The following COL21A1 variants were observed in gnomAD, a reference collection of about 807,000 sequenced individuals.
COL21A1 encodes the protein collagen alpha-1(XXI) chain.
Under a neutral mutation model 137.9 loss-of-function variants are expected in COL21A1, and 149 were observed. The ratio of observed to expected loss-of-function variants is 1.08; its 90% confidence interval spans 0.95 to 1.24. COL21A1 has a LOEUF of 1.24. COL21A1 is among the 50% of genes most tolerant of loss of function. The probability of loss-of-function intolerance (pLI) is 0.00; values close to 1 mark genes in which losing one functional copy is unlikely to be tolerated. For synonymous variants in COL21A1, 456 were observed against 391.5 expected (o/e 1.16, Z -1.95); for missense variants, 1,167 against 1,158.4 (o/e 1.01, Z -0.11).
At chr6:56,196,463 A>T (rs1470144057) in intron 1 of COL21A1, among the ~76,000 whole-genome samples, 1 of 152,108 alleles carries the variant, frequency 6.6e-6, no homozygotes, top group Non-Finnish European at 1.5e-5. Context: ...TTATTACAGA[A>T]GACCATAAAG....
chr6:56,170,605 C>T (rs867879475), intron 5 of COL21A1, 44 bp downstream of exon 5: 5 of 1,321,372 alleles, frequency 3.8e-6, no homozygotes, highest in Non-Finnish European at 5.3e-6. Flanking sequence ...AATAGTGCTT[C>T]CCCATGAATA....
At chr6:56,244,660 A>G (rs1782541823) in intron 1 of COL21A1, among the ~76,000 whole-genome samples, 1 of 152,162 alleles carries the variant, frequency 6.6e-6, no homozygotes, top group African/African-American at 2.4e-5. Context: ...AACTTGCTTT[A>G]TGTTTAGTCT....
At position 56,060,213 on chromosome 6, in the gene COL21A1, G is replaced by A; in HGVS notation, c.2413C>T (p.Leu805=). 6.3e-7 allele frequency: 1 copy of A among 1,593,728 alleles called. No individual in the cohort carries two copies. Reference sequence around the variant, plus strand: ...CTTCCACTCTGAAGTAAGACTGGTAGCTGGGCTTTCAAAAACAAAGAAACC... The same window carrying A: ...CTTCCACTCTGAAGTAAGACTGGTAACTGGGCTTTCAAAAACAAAGAAACC... The part of the protein sequence containing the change: ...QVCTDVIRAQ[L]PVLLQSGRIR... Residue 805 remains leucine (L), a synonymous_variant, in exon 28 of 30, where the codon CTA becomes TTA. Coordinates refer to ENST00000244728, the MANE Select transcript of COL21A1 (RefSeq NM_030820.4).
chr6:56,067,493 C>A (rs887017798), intron 22 of COL21A1, among the ~76,000 whole-genome samples, 163 bp from the exon 23 acceptor site: 2 of 151,708 alleles, frequency 1.3e-5, no homozygotes, highest in Admixed American at 6.6e-5. Context: ...GGGAAGGGAG[C>A]AGAACCACAT....
intron 17 of COL21A1, among the ~76,000 whole-genome samples, chr6:56,097,926 TA>T (rs1769609731): frequency 1.0e-5 from 1 of 96,066 alleles, no homozygotes; most frequent in South Asian, 2.8e-4. Context: ...TATAAATATA[TA>T]AATATATAAA....
Position 56,087,643 on chromosome 6 carries a change from G to A in COL21A1, c.1813-10070C>T, listed in dbSNP as rs1052304755. 3.3e-5 allele frequency among the ~76,000 whole-genome samples: 5 copies of A among 152,062 alleles called. No homozygotes were observed. In the South Asian group the frequency reaches 1.0e-3, roughly 32 times the overall value. On this transcript the variant is annotated intron_variant, in intron 17 of 29. Transcript: ENST00000244728. ...TGTTTATAGTTTCCCTTCAAGGCTT[G>A]GGAGTTAACAGCTCTAAAGATAAGG...
intron 1 of COL21A1, among the ~76,000 whole-genome samples, chr6:56,312,489 T>C (rs923245320): frequency 1.2e-4 from 19 of 152,250 alleles, no homozygotes; most frequent in Admixed American, 5.9e-4. Context: ...GTAGGAACAT[T>C]CAGTAAATGA....
At chr6:56,292,520 C>T (rs1764072714) in intron 1 of COL21A1, among the ~76,000 whole-genome samples, 1 of 151,876 alleles carries the variant, frequency 6.6e-6, no homozygotes, top group African/African-American at 2.4e-5. Context: ...GGTGCCTCAG[C>T]CTCTCACAGA....
intron 1 of COL21A1, among the ~76,000 whole-genome samples, chr6:56,335,671 C>T (rs1313615989): frequency 6.6e-6 from 1 of 152,216 alleles, no homozygotes; most frequent in African/African-American, 2.4e-5. Context: ...CTCTGCCTGC[C>T]TTTGTGTCCT....
At chr6:56,308,454 T>C (rs1764522584) in intron 1 of COL21A1, among the ~76,000 whole-genome samples, 1 of 152,222 alleles carries the variant, frequency 6.6e-6, no homozygotes, top group Non-Finnish European at 1.5e-5. Context: ...GAGTACATTA[T>C]ACTAGGTGAC....
chr6:56,074,761 A>G (rs543314829), intron 19 of COL21A1, among the ~76,000 whole-genome samples: 10 of 151,572 alleles, frequency 6.6e-5, no homozygotes, highest in African/African-American at 2.4e-4. Context: ...ATCTTTAATC[A>G]TAACATTCAA....
At chr6:56,227,383 C>T (rs552162137) in intron 1 of COL21A1, among the ~76,000 whole-genome samples, 57 of 152,048 alleles carry the variant, frequency 3.7e-4, no homozygotes, top group African/African-American at 1.1e-3. Context: ...AAAACAAATC[C>T]CATACGCTTG....
At chr6:56,185,714 C>T (rs1168681357) in intron 1 of COL21A1, among the ~76,000 whole-genome samples, 8 of 151,962 alleles carry the variant, frequency 5.3e-5, no homozygotes, top group Non-Finnish European at 5.9e-5. Flanking sequence ...GGATTACAGG[C>T]GTGAGCCACC....
intron 1 of COL21A1, among the ~76,000 whole-genome samples, chr6:56,304,762 TG>T (rs1236191713): frequency 1.2e-4 from 18 of 152,240 alleles, no homozygotes; most frequent in African/African-American, 4.1e-4. Flanking sequence ...AGTTGTTTCT[TG>T]CCTTCTGCTA....
intron 1 of COL21A1, among the ~76,000 whole-genome samples, chr6:56,254,603 T>C (rs1782925938): frequency 6.6e-6 from 1 of 152,228 alleles, no homozygotes; most frequent in South Asian, 2.1e-4. Flanking sequence ...TAATTGTTTA[T>C]AAAGCTCCCT....
chr6:56,300,128 A>C (rs1435734866), intron 1 of COL21A1, among the ~76,000 whole-genome samples: 2 of 152,280 alleles, frequency 1.3e-5, no homozygotes, highest in African/African-American at 4.8e-5. Context: ...GGAGTAGCCA[A>C]AATGTGCCGG....
rs369606656 is a variant in COL21A1, at chr6:56,179,221, G to A, written c.640+357C>T. ...GTAAAGTACAGAAAAACTCATTAACGGGGTGATATGATTATGTGTGATTTA... is the reference window on the plus strand; with the variant it reads ...GTAAAGTACAGAAAAACTCATTAACAGGGTGATATGATTATGTGTGATTTA... On this transcript the variant is annotated intron_variant, in intron 3 of 29. Transcript: ENST00000244728. 1.1e-4 allele frequency among the ~76,000 whole-genome samples: 16 copies of A among 152,000 alleles called. No individual in the cohort carries two copies. The East Asian group carries it at 1.9e-3, about 18-fold the overall frequency.
intron 1 of COL21A1, among the ~76,000 whole-genome samples, chr6:56,209,698 C>G (rs534387364): frequency 1.3e-5 from 2 of 152,228 alleles, no homozygotes; most frequent in East Asian, 3.9e-4. Context: ...ATTAGTTCAA[C>G]CATTGTGGAA....
chr6:56,100,423 A>G (rs771264836), intron 17 of COL21A1, among the ~76,000 whole-genome samples: 3 of 152,170 alleles, frequency 2.0e-5, no homozygotes, highest in Non-Finnish European at 4.4e-5. Context: ...CAACAACCCT[A>G]TGAAGTAAGC....
Sources: allele counts gnomAD v4.1 joint callset (sites outside exome capture counted in the v4.1 genomes callset), GRCh38; gene constraint gnomAD v4.1.1; transcripts MANE v1.5; gene names NCBI Gene and HGNC (gene_info 2026-07-23, HGNC 2026-07-21).